POF1B: variants seen among roughly 807,000 people sequenced by gnomAD.
POF1B encodes the protein POF1B actin binding protein.
A neutral mutation model predicts 55.3 loss-of-function variants in POF1B; 53 were observed. That is an observed-to-expected ratio of 0.96 (90% confidence interval 0.77 to 1.20). The LOEUF (loss-of-function observed/expected upper bound fraction) is 1.20. POF1B is among the 50% of genes most tolerant of loss of function. The pLI is 0.00. For synonymous variants in POF1B, 188 were observed against 148.3 expected, an observed-to-expected ratio of 1.27 and a Z score of -1.95; for missense variants, 478 against 420.5, an observed-to-expected ratio of 1.14 and a Z score of -1.20.
At chrX:85,372,475 T>G (rs2147953062) in intron 2 of POF1B, among the ~76,000 whole-genome samples, 1 of 109,103 alleles carries the variant, frequency 9.2e-6, no homozygotes, top group South Asian at 3.9e-4. Context: ...GAAACTCTGG[T>G]TTCCCTAGAG....
At chrX:85,359,519 A>T (rs368664860) in intron 4 of POF1B, 31 bp downstream of exon 4, 421 of 1,052,111 alleles carry the variant, frequency 4.0e-4, no homozygotes, top group Middle Eastern at 5.4e-4. Context: ...ACTTCTAAAG[A>T]ATTATATGTT....
chrX:85,316,957 T>C (rs1932792895), intron 7 of POF1B, among the ~76,000 whole-genome samples: 1 of 110,940 alleles, frequency 9.0e-6, no homozygotes, highest in Non-Finnish European at 1.9e-5. Flanking sequence ...CTCCCACTTA[T>C]AAGTAATAAC....
At chrX:85,305,665 C>T in intron 13 of POF1B, 126 bp downstream of exon 13, 2 of 678,714 alleles carry the variant, frequency 2.9e-6, no homozygotes, top group Non-Finnish European at 4.3e-6. Flanking sequence ...CAAATGAATA[C>T]ATGACATATT....
Position 85,318,480 on chromosome X carries a change from C to T in POF1B, c.855-2746G>A, listed in dbSNP as rs1446622001. Among the ~76,000 whole-genome samples the T allele has an allele frequency of 4.5e-5, 5 of 111,646 alleles. No homozygotes were observed. In the East Asian group the frequency reaches 8.4e-4, roughly 19 times the overall value. On this transcript the variant is annotated intron_variant, in intron 7 of 16. Coordinates refer to ENST00000262753, the MANE Select transcript of POF1B (RefSeq NM_024921.4). ...TCTAGAATGATATTTCCTAGGTTATCTTCTAGAGTTTTTATAGATTTTGGT... is the reference window on the plus strand; with the variant it reads ...TCTAGAATGATATTTCCTAGGTTATTTTCTAGAGTTTTTATAGATTTTGGT...
At chrX:85,346,091 T>G in intron 5 of POF1B, 49 bp from the exon 6 acceptor site, 2 of 916,522 alleles carry the variant, frequency 2.2e-6, no homozygotes, top group Non-Finnish European at 2.9e-6. Context: ...TAAACATTAC[T>G]AATCAAGAAA....
intron 6 of POF1B, among the ~76,000 whole-genome samples, chrX:85,338,328 G>T (rs1933111392): frequency 9.0e-6 from 1 of 111,424 alleles, no homozygotes; most frequent in African/African-American, 3.3e-5. Flanking sequence ...AGCACTGGTT[G>T]TAAGAGGTGC....
At chrX:85,348,325 C>G (rs1603064096) in intron 5 of POF1B, among the ~76,000 whole-genome samples, 1 of 111,206 alleles carries the variant, frequency 9.0e-6, no homozygotes, top group East Asian at 2.8e-4. Flanking sequence ...TTTTAAAGTA[C>G]AGACAGATCA....
chrX:85,334,537 C>A (rs1325665733), intron 6 of POF1B, among the ~76,000 whole-genome samples: 2 of 111,016 alleles, frequency 1.8e-5, no homozygotes, highest in African/African-American at 6.5e-5. Flanking sequence ...ATAATAATTG[C>A]CAAACAGTCT....
At chrX:85,306,781 G>T (rs374374458) in intron 11 of POF1B, among the ~76,000 whole-genome samples, 1 of 111,400 alleles carries the variant, frequency 9.0e-6, no homozygotes, top group East Asian at 2.9e-4. Context: ...GACATCCAGA[G>T]AATTCATCTA....
intron 5 of POF1B, among the ~76,000 whole-genome samples, chrX:85,347,804 G>A (rs928910627): frequency 1.4e-4 from 15 of 111,000 alleles, no homozygotes; most frequent in Non-Finnish European, 2.8e-4. Flanking sequence ...ACATACACTA[G>A]CACTAAAATC....
intron 2 of POF1B, among the ~76,000 whole-genome samples, chrX:85,374,027 T>C (rs1933880216): frequency 9.0e-6 from 1 of 111,535 alleles, no homozygotes. Flanking sequence ...GACTAAGCAA[T>C]TTATAGATAC....
intron 7 of POF1B, among the ~76,000 whole-genome samples, chrX:85,321,797 C>A (rs1280124330): frequency 9.5e-6 from 1 of 105,124 alleles, no homozygotes; most frequent in Non-Finnish European, 1.9e-5. Context: ...TGTACACCAA[C>A]AACAGACAAA....
At chrX:85,323,839 G>T (rs1343384591) in intron 7 of POF1B, among the ~76,000 whole-genome samples, 1 of 110,518 alleles carries the variant, frequency 9.0e-6, no homozygotes, top group East Asian at 2.9e-4. Flanking sequence ...CTAACTTTTT[G>T]ATATGGGAGG....
Position 85,331,047 on chromosome X carries a change from C to T in POF1B, c.756G>A (p.Leu252=). 8.3e-7 allele frequency: 1 copy of T among 1,206,303 alleles called. No homozygotes were observed. Residue 252 remains leucine (L), a synonymous_variant, in exon 7 of 17, where the codon TTG becomes TTA. Transcript: ENST00000262753. ...GCAACTCTCCAAAATATCTGGGGTC[C>T]AATTTTTCAGGGCCATCATCCTGAA... is the stretch of plus-strand genomic sequence containing the variant. ...VIIQDDGPEK[L]DPRYFGELLA...
intron 5 of POF1B, among the ~76,000 whole-genome samples, chrX:85,350,181 C>G (rs1170180992): frequency 9.2e-6 from 1 of 109,172 alleles, no homozygotes; most frequent in Non-Finnish European, 1.9e-5. Context: ...TATCCCTCCC[C>G]CGTCCCCCCA....
At chrX:85,308,897 C>T (rs1381419153) in intron 9 of POF1B, among the ~76,000 whole-genome samples, 2 of 110,565 alleles carry the variant, frequency 1.8e-5, no homozygotes, top group African/African-American at 3.3e-5. Flanking sequence ...AGGCTGGTCT[C>T]GAACTCCTGA....
rs147973529 is a variant in POF1B at position 85,370,672 on chromosome X, A to C, written c.283-2906T>G. ...TAAGATGGTGTGAGTAAATGTCCAG[A>C]ATGAACAAAACCTTGATGTTGAAAG... On this transcript the variant is annotated intron_variant, in intron 2 of 16. Transcript: ENST00000262753. Among the ~76,000 whole-genome samples the C allele has an allele frequency of 3.6e-5, 4 of 111,785 alleles. No individual in the cohort carries two copies. In the East Asian group the frequency reaches 1.1e-3, roughly 32 times the overall value.
chrX:85,341,838 T>C (rs931196950), intron 6 of POF1B, among the ~76,000 whole-genome samples: 1 of 111,036 alleles, frequency 9.0e-6, no homozygotes, highest in African/African-American at 3.3e-5. Flanking sequence ...ATGTTTTCTG[T>C]CAATTCATTG....
chrX:85,304,465 A>G lies in POF1B; in HGVS notation c.1444T>C (p.Leu482=). The G allele has an allele frequency of 8.9e-7, 1 of 1,117,846 alleles. No homozygotes were observed. The highest frequency in any genetic ancestry group is 1.2e-6 in the Non-Finnish European group (1 of 837,326). 92.1% of individuals were successfully genotyped at this position (1,117,846 alleles called of 1,213,427 possible). A position where few individuals can be genotyped will look rare whatever the true frequency, so the allele number is the denominator to read the frequency against. ...GAAACATCTTTATGGTACTGGTTTA[A>G]TTGGGACTAAGGATTTAAAAAGAAA... ...DREICRLRSQ[L]NQYHKDVSKR... The change falls in exon 14 of 17, where the codon TTA becomes CTA. Residue 482 remains leucine, a synonymous_variant. Transcript: ENST00000262753.
Sources: gnomAD v4.1 joint callset for allele counts (sites outside exome capture counted in the v4.1 genomes callset) on GRCh38, gnomAD v4.1.1 for gene constraint, MANE v1.5 for transcripts, NCBI Gene and HGNC (gene_info 2026-07-23, HGNC 2026-07-21) for gene names.